CNTNAP2: variants seen among roughly 807,000 people sequenced by gnomAD.
CNTNAP2 encodes the protein contactin associated protein 2.
CNTNAP2 carries 98 observed loss-of-function variants against 155.2 expected under a neutral mutation model. The observed-to-expected ratio is 0.63, with a 90% CI of 0.54 to 0.75. The LOEUF (loss-of-function observed/expected upper bound fraction) is 0.75. Ranked by LOEUF, CNTNAP2 falls within the 30% of genes least tolerant of loss-of-function variation. The pLI, the probability that CNTNAP2 is intolerant of heterozygous loss-of-function variation, is 0.00. For missense variants in CNTNAP2, 1,727 were observed against 1,688.1 expected (o/e 1.02, Z -0.40); for synonymous variants, 651 against 631.2 (o/e 1.03, Z -0.47).
intron 1 of CNTNAP2, among the ~76,000 whole-genome samples, chr7:146,684,762 A>T (rs1395263079): frequency 6.6e-6 from 1 of 151,986 alleles, no homozygotes; most frequent in Non-Finnish European, 1.5e-5. Context: ...TTCACAAGTA[A>T]GAACACCAAT....
intron 1 of CNTNAP2, among the ~76,000 whole-genome samples, chr7:146,669,369 C>A (rs890105360): frequency 2.6e-5 from 4 of 152,228 alleles, no homozygotes; most frequent in South Asian, 2.1e-4. Flanking sequence ...CTTCTTTACC[C>A]ACTCTTAGAA....
At chr7:147,441,851 C>CTCTCTCT (rs71182201) in intron 10 of CNTNAP2, among the ~76,000 whole-genome samples, 1 of 110,416 alleles carries the variant, frequency 9.1e-6, no homozygotes, top group Admixed American at 9.1e-5. Context: ...CTCTCTCTCT[C>CTCTCTCT]CCTCCCTCCC....
At chr7:147,322,080 G>A (rs1795361741) in intron 9 of CNTNAP2, among the ~76,000 whole-genome samples, 1 of 152,082 alleles carries the variant, frequency 6.6e-6, no homozygotes, top group Non-Finnish European at 1.5e-5. Flanking sequence ...ATCCCAAATG[G>A]CAATTTGAGT....
chr7:148,290,725 C>T (rs1358320251), intron 21 of CNTNAP2, among the ~76,000 whole-genome samples: 1 of 152,098 alleles, frequency 6.6e-6, no homozygotes, highest in African/African-American at 2.4e-5. Context: ...CCATTTCAGC[C>T]TTTTATGTCA....
chr7:146,833,731 A>T (rs1019550723), intron 2 of CNTNAP2, among the ~76,000 whole-genome samples: 9 of 152,184 alleles, frequency 5.9e-5, no homozygotes, highest in African/African-American at 2.2e-4. Flanking sequence ...GCTGATACAC[A>T]CAGGGAACTT....
At chr7:148,229,617 A>G (rs1368484891) in intron 19 of CNTNAP2, 29 bp from the exon 20 acceptor site, 12 of 1,613,762 alleles carry the variant, frequency 7.4e-6, no homozygotes, top group South Asian at 1.1e-5. Context: ...GGGCAAACAA[A>G]TTACTGAGCT....
chr7:147,346,312 G>A (rs940408770), intron 9 of CNTNAP2, among the ~76,000 whole-genome samples: 4 of 150,556 alleles, frequency 2.7e-5, no homozygotes, highest in Admixed American at 2.0e-4. Flanking sequence ...CCGCCACCGC[G>A]CCCGGCTAAT....
intron 1 of CNTNAP2, among the ~76,000 whole-genome samples, chr7:146,664,368 C>T (rs1800150316): frequency 6.6e-6 from 1 of 151,722 alleles, no homozygotes; most frequent in Admixed American, 6.6e-5. Context: ...GCCATGTTGG[C>T]CAGACTGGTC....
At chr7:146,871,613 A>G (rs1189394688) in intron 3 of CNTNAP2, among the ~76,000 whole-genome samples, 1 of 152,040 alleles carries the variant, frequency 6.6e-6, no homozygotes, top group Non-Finnish European at 1.5e-5. Flanking sequence ...TAGGCTAGAA[A>G]GAGTAAATTA....
At chr7:147,694,051 T>C (rs116666580) in intron 13 of CNTNAP2, among the ~76,000 whole-genome samples, 57 of 152,186 alleles carry the variant, frequency 3.7e-4, no homozygotes, top group African/African-American at 1.2e-3. Context: ...TATGCTTTGT[T>C]TTTTAATCAT....
At chr7:146,140,292 CAG>C in intron 1 of CNTNAP2, among the ~76,000 whole-genome samples, 1 of 152,190 alleles carries the variant, frequency 6.6e-6, no homozygotes, top group South Asian at 2.1e-4. Context: ...GGGTTGATGG[CAG>C]AGTCTTCTTC....
intron 13 of CNTNAP2, among the ~76,000 whole-genome samples, chr7:147,758,082 G>A (rs867332846): frequency 2.6e-5 from 4 of 152,150 alleles, no homozygotes; most frequent in African/African-American, 7.2e-5. Flanking sequence ...AAGTAAAATT[G>A]AAAACGAATC....
intron 8 of CNTNAP2, among the ~76,000 whole-genome samples, chr7:147,282,558 TAAG>T (rs1267001788): frequency 4.6e-5 from 7 of 151,830 alleles, no homozygotes; most frequent in Non-Finnish European, 8.8e-5. Context: ...ATGGTGAATT[TAAG>T]AAGAATGAAG....
chr7:147,832,770 A>G (rs1291051926), intron 13 of CNTNAP2, among the ~76,000 whole-genome samples: 1 of 147,112 alleles, frequency 6.8e-6, no homozygotes, highest in Non-Finnish European at 1.5e-5. Flanking sequence ...ATTTAATTAA[A>G]TTGTACATTT....
At chr7:146,816,865 G>A (rs2129195153) in intron 2 of CNTNAP2, among the ~76,000 whole-genome samples, 1 of 152,276 alleles carries the variant, frequency 6.6e-6, no homozygotes, top group Non-Finnish European at 1.5e-5. Context: ...ATGTGCAATA[G>A]CACTTGTCTC....
intron 1 of CNTNAP2, among the ~76,000 whole-genome samples, chr7:146,216,949 C>G (rs1799124341): frequency 6.6e-6 from 1 of 152,198 alleles, no homozygotes; most frequent in African/African-American, 2.4e-5. Flanking sequence ...TCTTCTAAGG[C>G]TCATAAAACC....
chr7:146,218,543 A>AC lies in CNTNAP2; in HGVS notation c.97+101570_97+101571insC, dbSNP rs199625337. On this transcript the variant is annotated intron_variant, in intron 1 of 23. Coordinates refer to ENST00000361727, the MANE Select transcript of CNTNAP2 (RefSeq NM_014141.6). ...AACAAAAACAAAAACAAACAAACAAAAAAAATTGCCATCAAGGTTAAAATA... is the reference window on the plus strand; with the variant it reads ...AACAAAAACAAAAACAAACAAACAAACAAAAATTGCCATCAAGGTTAAAATA... Among the ~76,000 whole-genome samples the AC allele has an allele frequency of 4.5e-3, 678 of 150,930 alleles. 4 individuals carry two copies. Among genetic ancestry groups the AC allele is most frequent in the Non-Finnish European group, 6.9e-3 (467 of 67,598 alleles).
chr7:146,510,459 G>A (rs1212438912), intron 1 of CNTNAP2, among the ~76,000 whole-genome samples: 2 of 152,086 alleles, frequency 1.3e-5, no homozygotes, highest in Non-Finnish European at 2.9e-5. Context: ...GGTTGCTTTG[G>A]CTATTCAGTA....
intron 14 of CNTNAP2, among the ~76,000 whole-genome samples, chr7:147,930,942 T>C (rs989816682): frequency 1.3e-5 from 2 of 152,062 alleles, no homozygotes; most frequent in Non-Finnish European, 2.9e-5. Context: ...TCTTGAACAA[T>C]GAATAGGTCA....
Sources: allele counts gnomAD v4.1 joint callset (sites outside exome capture counted in the v4.1 genomes callset), GRCh38; gene constraint gnomAD v4.1.1; transcripts MANE v1.5; gene names NCBI Gene and HGNC (gene_info 2026-07-23, HGNC 2026-07-21).